PPIG: variants seen among roughly 807,000 people sequenced by gnomAD.
PPIG encodes the protein peptidyl-prolyl cis-trans isomerase G.
A neutral mutation model predicts 87.9 loss-of-function variants in PPIG; 26 were observed. The observed-to-expected ratio is 0.30, with a 90% CI of 0.22 to 0.41. The LOEUF is 0.41. Among genes scored for constraint, PPIG ranks in the 10% least tolerant of loss-of-function variants. The probability of loss-of-function intolerance (pLI) is 1.00; values close to 1 mark genes in which losing one functional copy is unlikely to be tolerated. For synonymous variants in PPIG, 308 were observed against 276.5 expected (o/e 1.11, Z -1.13); for missense variants, 722 against 879.4 (o/e 0.82, Z 2.26).
At chr2:169,618,059 T>G (rs762812131) in intron 9 of PPIG, among the ~76,000 whole-genome samples, 5 of 152,208 alleles carry the variant, frequency 3.3e-5, no homozygotes, top group Non-Finnish European at 7.4e-5. Flanking sequence ...GTTTTTAGCA[T>G]GAAGAGCTGT....
chr2:169,612,352 T>C (rs184565273), intron 7 of PPIG, among the ~76,000 whole-genome samples: 16 of 152,062 alleles, frequency 1.1e-4, no homozygotes, highest in African/African-American at 3.9e-4. Context: ...CAAGGTTTAT[T>C]TATATTGTAA....
chr2:169,599,641 T>C (rs947325956), intron 1 of PPIG, among the ~76,000 whole-genome samples: 1 of 152,230 alleles, frequency 6.6e-6, no homozygotes, highest in African/African-American at 2.4e-5. Context: ...TTTTTTGTTA[T>C]TTCACTTTTT....
chr2:169,632,058 A>G (rs114064344), intron 11 of PPIG, 125 bp downstream of exon 11: 15 of 1,251,744 alleles, frequency 1.2e-5, no homozygotes, highest in Non-Finnish European at 1.6e-5. Flanking sequence ...TTTTTATAAA[A>G]TGTTCTTCCG....
At position 169,639,196 on chromosome 2, in the gene PPIG, T is replaced by A. The variant is rs1686257574; in HGVS notation, c.*1673T>A. On this transcript the variant is annotated 3_prime_UTR_variant, in exon 14 of 14. Transcript: ENST00000260970. ...TTTTTCCGATGATAAAAGTAGTAGA[T>A]GTTTATTATAAAATCCAAGGTGATT... The A allele has an allele frequency of 6.6e-6, 1 of 152,014 alleles. No homozygotes were observed. The highest frequency in any genetic ancestry group is 6.6e-5 in the Admixed American group (1 of 15,236). The allele number at this position is 152,014 out of a possible 1,614,324, so 9.4% of individuals were successfully genotyped here. A position where few individuals can be genotyped will look rare whatever the true frequency, so the allele number is the denominator to read the frequency against.
intron 9 of PPIG, among the ~76,000 whole-genome samples, chr2:169,623,938 T>A (rs956414680): frequency 2.6e-5 from 4 of 152,196 alleles, no homozygotes; most frequent in Admixed American, 1.3e-4. Context: ...ACCTTAGGTT[T>A]TTACAAATAA....
Position 169,584,449 on chromosome 2 carries a change from A to G in PPIG, c.-111A>G. On this transcript the variant is annotated 5_prime_UTR_variant, in exon 1 of 14. Transcript: ENST00000260970. ...GGCGGCGGTAGATTTGAAGCGCTTC[A>G]AAGGACCGGACCCAGAGAAGAGGAA... 4.2e-6 allele frequency: 2 copies of G among 471,108 alleles called. No individual in the cohort carries two copies. Among genetic ancestry groups the G allele is most frequent in the Non-Finnish European group, 8.8e-6 (2 of 227,034 alleles). 29.2% of individuals were successfully genotyped at this position (471,108 alleles called of 1,614,324 possible).
intron 12 of PPIG, chr2:169,633,581 T>C (rs1354785248): frequency 7.9e-6 from 3 of 379,728 alleles, no homozygotes; most frequent in Non-Finnish European, 1.4e-5. Context: ...ATTCTTTTTT[T>C]ATTTACTAGA....
chr2:169,627,725 T>A (rs55938995), intron 9 of PPIG, among the ~76,000 whole-genome samples: 14,279 of 142,950 alleles, frequency 0.1, 913 homozygotes, highest in Middle Eastern at 0.19. Flanking sequence ...TTTTTTTTTT[T>A]AATTTCAAAC....
intron 1 of PPIG, among the ~76,000 whole-genome samples, chr2:169,596,405 G>A (rs1248427167): frequency 6.6e-6 from 1 of 151,826 alleles, no homozygotes; most frequent in Admixed American, 6.6e-5. Flanking sequence ...GCACCCGGCC[G>A]AAAATTGTGT....
At chr2:169,629,254 C>T (rs539274718) in intron 9 of PPIG, among the ~76,000 whole-genome samples, 4 of 152,160 alleles carry the variant, frequency 2.6e-5, no homozygotes, top group Admixed American at 2.6e-4. Flanking sequence ...GCCACTTTTC[C>T]CTTTCCTATT....
chr2:169,598,524 C>T (rs1027646261), intron 1 of PPIG, among the ~76,000 whole-genome samples: 3 of 152,074 alleles, frequency 2.0e-5, no homozygotes, highest in South Asian at 2.1e-4. Context: ...ATCTCCTGAC[C>T]TTGTGATCCA....
At chr2:169,584,999 A>T (rs1650800684) in intron 1 of PPIG, 1 of 162,070 alleles carries the variant, frequency 6.2e-6, no homozygotes, top group Non-Finnish European at 1.3e-5. Context: ...CAGGGATTAA[A>T]ATTGAAGACT....
chr2:169,633,113 A>G (rs756218228), intron 11 of PPIG, 47 bp from the exon 12 acceptor site: 18 of 1,416,352 alleles, frequency 1.3e-5, no homozygotes, highest in Non-Finnish European at 1.8e-5. Context: ...TCTGGCCAAC[A>G]AAAGTTTTTA....
chr2:169,605,087 A>G (rs966620675), intron 4 of PPIG, among the ~76,000 whole-genome samples: 1 of 152,104 alleles, frequency 6.6e-6, no homozygotes, highest in African/African-American at 2.4e-5. Context: ...TAACCCCAGC[A>G]CTTTGGAAGG....
At position 169,639,111 on chromosome 2, in the gene PPIG, C is replaced by T. The variant is rs1686255229; in HGVS notation, c.*1588C>T. On this transcript the variant is annotated 3_prime_UTR_variant, in exon 14 of 14. Coordinates refer to ENST00000260970, the MANE Select transcript of PPIG (RefSeq NM_004792.3). Reference sequence around the variant, plus strand: ...GTTGCAGAATGAATAGTGTAATGACCATAAGATTGCTTGGAAAATTGTAAT... The same window carrying T: ...GTTGCAGAATGAATAGTGTAATGACTATAAGATTGCTTGGAAAATTGTAAT... 1 of 151,894 alleles carries T rather than the reference C, an allele frequency of 6.6e-6. No homozygotes were observed. Among genetic ancestry groups the T allele is most frequent in the Non-Finnish European group, 1.5e-5 (1 of 67,890 alleles). The allele number at this position is 151,894 out of a possible 1,614,324, so 9.4% of individuals were successfully genotyped here. A position where few individuals can be genotyped will look rare whatever the true frequency, so the allele number is the denominator to read the frequency against.
chr2:169,588,360 G>A (rs1684764627), intron 1 of PPIG, among the ~76,000 whole-genome samples: 1 of 152,124 alleles, frequency 6.6e-6, no homozygotes. Context: ...ATATTTGTGA[G>A]TAAACTAGTT....
intron 9 of PPIG, among the ~76,000 whole-genome samples, chr2:169,630,462 G>A (rs1422401556): frequency 1.3e-5 from 2 of 151,968 alleles, no homozygotes; most frequent in African/African-American, 4.8e-5. Flanking sequence ...TTAGAACATG[G>A]GACTCTTCAT....
At chr2:169,586,174 A>G (rs555799731) in intron 1 of PPIG, among the ~76,000 whole-genome samples, 1 of 152,148 alleles carries the variant, frequency 6.6e-6, no homozygotes, top group African/African-American at 2.4e-5. Context: ...TTTCTTTATG[A>G]TTCAGAATTA....
chr2:169,605,834 G>A (rs1000578987), intron 4 of PPIG, among the ~76,000 whole-genome samples: 1 of 152,000 alleles, frequency 6.6e-6, no homozygotes, highest in African/African-American at 2.4e-5. Context: ...AGTTGTAAAG[G>A]TATATTATTT....
Sources: allele counts gnomAD v4.1 joint callset (sites outside exome capture counted in the v4.1 genomes callset), GRCh38; gene constraint gnomAD v4.1.1; transcripts MANE v1.5; gene names NCBI Gene and HGNC (gene_info 2026-07-23, HGNC 2026-07-21).